Variants in SLC16A12 observed in about 807,000 individuals in gnomAD.
SLC16A12 encodes monocarboxylate transporter 12.
SLC16A12 carries 17 observed loss-of-function variants against 42.4 expected under a neutral mutation model. The ratio of observed to expected loss-of-function variants is 0.40; its 90% CI spans 0.27 to 0.60. The LOEUF (loss-of-function observed/expected upper bound fraction) is 0.60. SLC16A12 is among the 20% of genes least tolerant of loss of function. The probability of loss-of-function intolerance (pLI) is 0.42; values close to 1 mark genes in which losing one functional copy is unlikely to be tolerated. For synonymous variants in SLC16A12, 224 were observed against 229.4 expected, an observed-to-expected ratio of 0.98 and a Z score of 0.21; for missense variants, 544 against 623.0, an observed-to-expected ratio of 0.87 and a Z score of 1.35.
chr10:89,508,842 A>G (rs1364433939), intron 2 of SLC16A12, among the ~76,000 whole-genome samples: 2 of 152,198 alleles, frequency 1.3e-5, no homozygotes, highest in Non-Finnish European at 2.9e-5. Context: ...CCAGACTAAT[A>G]AAGAAGAAAA....
At chr10:89,546,762 A>C (rs1843744440) in intron 2 of SLC16A12, among the ~76,000 whole-genome samples, 1 of 152,118 alleles carries the variant, frequency 6.6e-6, no homozygotes, top group South Asian at 2.1e-4. Flanking sequence ...TATTTACAAT[A>C]GCAAAGACAT....
At chr10:89,539,869 CTT>C (rs1843701575), upstream of SLC16A12, among the ~76,000 whole-genome samples, 1 of 140,792 alleles carries the variant, frequency 7.1e-6, no homozygotes, top group Non-Finnish European at 1.5e-5. Flanking sequence ...TTCTTTCTTT[CTT>C]TCTTTCTTTC....
At chr10:89,451,150 T>C (rs1221360341) in intron 3 of SLC16A12, among the ~76,000 whole-genome samples, 1 of 152,174 alleles carries the variant, frequency 6.6e-6, no homozygotes, top group Admixed American at 6.5e-5. Flanking sequence ...TAAGAGGTTA[T>C]TAATCTCTTT....
At chr10:89,459,183 G>C (rs544037517) in intron 3 of SLC16A12, among the ~76,000 whole-genome samples, 38 of 152,248 alleles carry the variant, frequency 2.5e-4, no homozygotes, top group Non-Finnish European at 1.8e-4. Flanking sequence ...TCTTAAGAGG[G>C]CCTGTGTAAG....
chr10:89,457,548 A>C (rs913060337), intron 3 of SLC16A12, among the ~76,000 whole-genome samples: 65 of 152,248 alleles, frequency 4.3e-4, no homozygotes, highest in African/African-American at 1.3e-3. Context: ...GATTAGTTCA[A>C]CCATTGTAGA....
chr10:89,500,299 T>TA (rs768989652), intron 2 of SLC16A12, among the ~76,000 whole-genome samples: 1 of 152,082 alleles, frequency 6.6e-6, no homozygotes, highest in Non-Finnish European at 1.5e-5. Context: ...ATGAAGCCAG[T>TA]ATCACCCTAA....
At position 89,520,512 on chromosome 10, in the gene SLC16A12, T is replaced by C. The variant is rs532527080; in HGVS notation, c.-47+13989A>G. Among the ~76,000 whole-genome samples, 27 of 152,186 alleles carry C rather than the reference T, an allele frequency of 1.8e-4. No individual in the cohort carries two copies. In the South Asian group the frequency reaches 5.6e-3, roughly 32 times the overall value. ...TAAGCATTTGTAAATCCCTCAACTA[T>C]TTCAAAAGCTTAAAAATGCAAAAAG... On this transcript the variant is annotated intron_variant, in intron 2 of 7. Transcript: ENST00000371790.
At chr10:89,485,498 C>T (rs1449884221) in intron 2 of SLC16A12, among the ~76,000 whole-genome samples, 1 of 152,174 alleles carries the variant, frequency 6.6e-6, no homozygotes, top group Non-Finnish European at 1.5e-5. Flanking sequence ...TCTTCACGTC[C>T]ACTTACCATT....
intron 2 of SLC16A12, among the ~76,000 whole-genome samples, chr10:89,497,124 C>G (rs1207433880): frequency 6.6e-6 from 1 of 151,944 alleles, no homozygotes; most frequent in East Asian, 1.9e-4. Flanking sequence ...TGTACAACAC[C>G]AAGTCAAGAT....
chr10:89,510,991 A>C (rs914224636), intron 2 of SLC16A12, among the ~76,000 whole-genome samples: 1 of 152,360 alleles, frequency 6.6e-6, no homozygotes, highest in Middle Eastern at 3.4e-3. Flanking sequence ...ACTCATCATC[A>C]CTGGTCATTA....
At chr10:89,492,234 T>C (rs1337652842) in intron 2 of SLC16A12, among the ~76,000 whole-genome samples, 1 of 152,190 alleles carries the variant, frequency 6.6e-6, no homozygotes, top group African/African-American at 2.4e-5. Context: ...GATACCAAGA[T>C]AAAATAATCT....
chr10:89,476,805 G>A (rs1233729551), intron 2 of SLC16A12, among the ~76,000 whole-genome samples: 4 of 152,248 alleles, frequency 2.6e-5, no homozygotes, highest in African/African-American at 9.6e-5. Flanking sequence ...GAAATTCACT[G>A]GCAGATTTGC....
intron 2 of SLC16A12, among the ~76,000 whole-genome samples, chr10:89,498,097 T>C (rs11185731): frequency 0.033 from 5,010 of 152,174 alleles, 264 homozygotes; most frequent in African/African-American, 0.11. Context: ...AGCCCACAAG[T>C]TCAAGACTAG....
chr10:89,492,482 C>T (rs1021246168), intron 2 of SLC16A12, among the ~76,000 whole-genome samples: 7 of 151,978 alleles, frequency 4.6e-5, no homozygotes, highest in Non-Finnish European at 8.8e-5. Flanking sequence ...GTAATCCCAA[C>T]ACTTTGGGAG....
intron 2 of SLC16A12, among the ~76,000 whole-genome samples, chr10:89,469,679 T>C (rs1344468843): frequency 6.6e-6 from 1 of 152,204 alleles, no homozygotes; most frequent in East Asian, 1.9e-4. Flanking sequence ...TAGAGTATGA[T>C]GGAAAAATAC....
At chr10:89,517,968 A>C (rs1221851848) in intron 2 of SLC16A12, among the ~76,000 whole-genome samples, 1 of 152,218 alleles carries the variant, frequency 6.6e-6, no homozygotes, top group African/African-American at 2.4e-5. Context: ...TAAGGAGGGA[A>C]AAAAGGGCAC....
At chr10:89,538,496 C>T (rs1394762722), upstream of SLC16A12, among the ~76,000 whole-genome samples, 1 of 152,134 alleles carries the variant, frequency 6.6e-6, no homozygotes, top group Non-Finnish European at 1.5e-5. Flanking sequence ...CTGGATAGCA[C>T]TCAAAACGTT....
intron 2 of SLC16A12, among the ~76,000 whole-genome samples, chr10:89,530,583 A>C (rs561581090): frequency 1.4e-4 from 21 of 151,998 alleles, no homozygotes; most frequent in African/African-American, 4.6e-4. Flanking sequence ...ACGCCCGGCT[A>C]ATTTTTTGTA....
At chr10:89,461,914 T>C (rs994385732) in intron 3 of SLC16A12, among the ~76,000 whole-genome samples, 27 of 152,220 alleles carry the variant, frequency 1.8e-4, no homozygotes, top group African/African-American at 6.5e-4. Context: ...TTTTAAGTAT[T>C]TCATATTACT....
Sources: gnomAD v4.1 joint callset for allele counts (sites outside exome capture counted in the v4.1 genomes callset) on GRCh38, gnomAD v4.1.1 for gene constraint, MANE v1.5 for transcripts, NCBI Gene and HGNC (gene_info 2026-07-23, HGNC 2026-07-21) for gene names.